The following FAM76B variants were observed in gnomAD, a reference collection of about 807,000 sequenced individuals.
FAM76B encodes protein FAM76B.
Under a neutral mutation model 51.8 loss-of-function variants are expected in FAM76B, and 16 were observed. That is an observed-to-expected ratio of 0.31 (90% CI 0.21 to 0.47). The LOEUF is 0.47. Ranked by LOEUF, FAM76B falls within the 20% of genes least tolerant of loss-of-function variation. The pLI, the probability that FAM76B is intolerant of heterozygous loss-of-function variation, is 1.00. For missense variants in FAM76B, 342 were observed against 392.6 expected, an observed-to-expected ratio of 0.87 and a Z score of 1.09; for synonymous variants, 166 against 129.5, an observed-to-expected ratio of 1.28 and a Z score of -1.91.
In FAM76B at chr11:95,783,098, T is replaced by C. The variant is rs1453823040; in HGVS notation, c.530A>G (p.His177Arg). Residue 177 changes from histidine (H) to arginine (R), a missense_variant, in exon 5 of 10, where the codon CAC becomes CGC. By Grantham distance (29) the His-to-Arg change is conservative. Coordinates refer to ENST00000358780, the MANE Select transcript of FAM76B (RefSeq NM_144664.5). ...GCTACTGCTGTGACGATGGTGATGG[T>C]GATGATGGTGGTGATGATGTTTTGG... is the stretch of plus-strand genomic sequence containing the variant. ...HHPKHHHHHH[H>R]HHHRHSSSHH... is the part of the protein sequence containing the mutation. 4 of 1,613,452 alleles carry C rather than the reference T, an allele frequency of 2.5e-6. No homozygotes were observed. The highest frequency in any genetic ancestry group is 3.4e-6 in the Non-Finnish European group (4 of 1,179,532).
chr11:95,774,703 T>G (rs1859916855), intron 9 of FAM76B, among the ~76,000 whole-genome samples: 1 of 135,662 alleles, frequency 7.4e-6, no homozygotes, highest in African/African-American at 2.5e-5. Flanking sequence ...AAACATTGAC[T>G]AATATATAAG....
rs1331974862 is a variant in FAM76B at position 95,786,184 on chromosome 11, G to T, written c.298C>A (p.Pro100Thr). ...TGTTTGCACTGTTCACAGGTCTGAG[G>T]TGGTCCATACTTTTTTTCTGAATTT... ...CTNSEKKYGP[P>T]QTCEQCKQQC... The change falls in exon 4 of 10, where the codon CCT (proline) becomes ACT (threonine). Residue 100 changes from proline to threonine, a missense_variant. Around this residue, in one of 3 missense-constraint regions of FAM76B, gnomAD observed 16 missense variants for 40.5 expected, o/e 0.40. Coordinates refer to ENST00000358780, the MANE Select transcript of FAM76B (RefSeq NM_144664.5). 1 of 1,614,104 alleles carries T rather than the reference G, an allele frequency of 6.2e-7. No individual in the cohort carries two copies.
chr11:95,771,766 T>A, intron 9 of FAM76B, 116 bp from the exon 10 acceptor site: 1 of 747,810 alleles, frequency 1.3e-6, no homozygotes, highest in Non-Finnish European at 2.1e-6. Context: ...ACTAAAGCAC[T>A]AACATTAAAT....
At chr11:95,787,071 T>C (rs774455475) in intron 3 of FAM76B, among the ~76,000 whole-genome samples, 1 of 152,222 alleles carries the variant, frequency 6.6e-6, no homozygotes, top group Non-Finnish European at 1.5e-5. Context: ...ATTTGCTATA[T>C]TTGAATCTCT....
At chr11:95,786,344 T>G in intron 3 of FAM76B, 70 bp from the exon 4 acceptor site, 6 of 1,482,044 alleles carry the variant, frequency 4.0e-6, no homozygotes, top group Non-Finnish European at 5.4e-6. Flanking sequence ...TACCCAGTGT[T>G]GTAGACATAT....
intron 9 of FAM76B, among the ~76,000 whole-genome samples, chr11:95,773,060 A>G: frequency 6.6e-6 from 1 of 151,196 alleles, no homozygotes; most frequent in Admixed American, 6.6e-5. Context: ...AGATCTGTTA[A>G]GTTATATTTA....
At chr11:95,786,034 C>T (rs1860560778) in intron 4 of FAM76B, 85 bp downstream of exon 4, 4 of 1,491,788 alleles carry the variant, frequency 2.7e-6, no homozygotes, top group Non-Finnish European at 3.6e-6. Context: ...TAGATCCAGT[C>T]TCAGTAGTGT....
At chr11:95,789,304 G>A (rs61902252) in intron 1 of FAM76B, 88 bp downstream of exon 1, 63,510 of 1,403,460 alleles carry the variant, frequency 0.045, 1,864 homozygotes, top group African/African-American at 0.1. Context: ...AGGCGCCGGC[G>A]AAGAGGGGCT....
intron 4 of FAM76B, among the ~76,000 whole-genome samples, chr11:95,783,568 C>G (rs1193674903): frequency 6.6e-6 from 1 of 152,188 alleles, no homozygotes; most frequent in Non-Finnish European, 1.5e-5. Context: ...CATAAACTGA[C>G]TGATATACTT....
At chr11:95,784,847 A>C (rs1309840652) in intron 4 of FAM76B, among the ~76,000 whole-genome samples, 1 of 152,072 alleles carries the variant, frequency 6.6e-6, no homozygotes, top group African/African-American at 2.4e-5. Flanking sequence ...TCAGCCTCCC[A>C]AAGTGCTGGG....
chr11:95,779,425 C>A, intron 7 of FAM76B, 182 bp downstream of exon 7: 1 of 599,760 alleles, frequency 1.7e-6, no homozygotes, highest in South Asian at 2.6e-5. Context: ...TAGTTCAGTG[C>A]CACTTTCTTA....
intron 4 of FAM76B, among the ~76,000 whole-genome samples, chr11:95,784,441 A>C (rs1412625687): frequency 6.6e-6 from 1 of 152,154 alleles, no homozygotes; most frequent in Non-Finnish European, 1.5e-5. Context: ...ACTTAAAAAA[A>C]GGAAAGCTAC....
chr11:95,776,976 TTCTC>T (rs569212790), intron 8 of FAM76B, among the ~76,000 whole-genome samples: 184 of 151,050 alleles, frequency 1.2e-3, no homozygotes, highest in Middle Eastern at 3.4e-3. Flanking sequence ...TATAACTAAG[TTCTC>T]TCTCTCTAAC....
chr11:95,774,196 G>C (rs980925306), intron 9 of FAM76B, among the ~76,000 whole-genome samples: 12 of 151,316 alleles, frequency 7.9e-5, no homozygotes, highest in African/African-American at 2.9e-4. Flanking sequence ...ATAAACTGGA[G>C]TGAGAAGACA....
intron 4 of FAM76B, among the ~76,000 whole-genome samples, chr11:95,785,699 G>A (rs1271413255): frequency 6.6e-6 from 1 of 152,134 alleles, no homozygotes; most frequent in Non-Finnish European, 1.5e-5. Flanking sequence ...AGTCACTGCA[G>A]GTAGACAAAA....
intron 5 of FAM76B, 52 bp from the exon 6 acceptor site, chr11:95,779,978 T>A (rs761626888): frequency 6.8e-7 from 1 of 1,474,968 alleles, no homozygotes; most frequent in Non-Finnish European, 9.2e-7. Context: ...ATTTAATACA[T>A]CTAAATTTAA....
chr11:95,776,282 G>A (rs1025692113), intron 8 of FAM76B, among the ~76,000 whole-genome samples: 11 of 151,222 alleles, frequency 7.3e-5, no homozygotes, highest in African/African-American at 2.7e-4. Flanking sequence ...AACATGGCTC[G>A]ACTGGAAATA....
chr11:95,772,412 G>C (rs576204549), intron 9 of FAM76B, among the ~76,000 whole-genome samples: 3 of 151,262 alleles, frequency 2.0e-5, no homozygotes, highest in African/African-American at 7.2e-5. Flanking sequence ...AGAGGAATGT[G>C]TAAGTACAGT....
At chr11:95,780,673 C>A (rs534843700) in intron 5 of FAM76B, among the ~76,000 whole-genome samples, 1 of 152,078 alleles carries the variant, frequency 6.6e-6, no homozygotes, top group South Asian at 2.1e-4. Context: ...ATGTAGAGAG[C>A]ATCTCCTATG....
Sources: gnomAD v4.1 joint callset for allele counts (sites outside exome capture counted in the v4.1 genomes callset) on GRCh38, gnomAD v4.1.1 for gene constraint, gnomAD v4.1.1 regional missense constraint, MANE v1.5 for transcripts, NCBI Gene and HGNC (gene_info 2026-07-23, HGNC 2026-07-21) for gene names.